Variants in C1QTNF7 observed in about 807,000 individuals in gnomAD.
The protein encoded by C1QTNF7 is complement C1q tumor necrosis factor-related protein 7.
C1QTNF7 carries 15 observed loss-of-function variants against 19.6 expected under a neutral mutation model. The ratio of observed to expected loss-of-function variants is 0.76; its 90% confidence interval spans 0.51 to 1.18. C1QTNF7 has a LOEUF of 1.18. Among genes scored for constraint, C1QTNF7 ranks in the 50% most tolerant of loss-of-function variants. The pLI, the probability that C1QTNF7 is intolerant of heterozygous loss-of-function variation, is 0.00. For synonymous variants in C1QTNF7, 142 were observed against 137.5 expected, an observed-to-expected ratio of 1.03 and a Z score of -0.23; for missense variants, 324 against 359.7, an observed-to-expected ratio of 0.90 and a Z score of 0.80.
intron 1 of C1QTNF7, among the ~76,000 whole-genome samples, chr4:15,383,232 C>A (rs1323150637): frequency 6.6e-6 from 1 of 152,134 alleles, no homozygotes; most frequent in African/African-American, 2.4e-5. Context: ...CAAATGCAAT[C>A]TCTTATCTTC....
chr4:15,357,553 G>C (rs964692392), intron 1 of C1QTNF7, among the ~76,000 whole-genome samples: 2 of 152,180 alleles, frequency 1.3e-5, no homozygotes, highest in Non-Finnish European at 2.9e-5. Context: ...GCTTAGGATT[G>C]TCTTGGCTAT....
chr4:15,401,095 A>T (rs1038852493), intron 1 of C1QTNF7, among the ~76,000 whole-genome samples: 2 of 152,178 alleles, frequency 1.3e-5, no homozygotes, highest in Admixed American at 6.5e-5. Context: ...CCACACATAG[A>T]AGAAGTCAGA....
chr4:15,409,727 T>A (rs758412393), intron 1 of C1QTNF7, among the ~76,000 whole-genome samples: 11 of 152,074 alleles, frequency 7.2e-5, no homozygotes, highest in Non-Finnish European at 1.6e-4. Context: ...GCCCACCCAA[T>A]GAGACACCCT....
chr4:15,433,184 AC>A (rs1249496344), intron 1 of C1QTNF7, among the ~76,000 whole-genome samples: 1 of 151,964 alleles, frequency 6.6e-6, no homozygotes, highest in Non-Finnish European at 1.5e-5. Context: ...TCTTCTATGA[AC>A]CTTTATTTTT....
chr4:15,374,869 CTCT>C (rs937194084), intron 1 of C1QTNF7: 25 of 509,410 alleles, frequency 4.9e-5, no homozygotes, highest in Admixed American at 6.7e-5. Context: ...CTCTCTCTCT[CTCT>C]TTTTTTTTAT....
chr4:15,340,257 C>A (rs1403477539), intron 1 of C1QTNF7: 1 of 1,544,606 alleles, frequency 6.5e-7, no homozygotes, highest in Non-Finnish European at 8.8e-7. Context: ...TCCTATTCGG[C>A]CTTCATCAAA....
At chr4:15,376,822 C>T (rs973340340) in intron 1 of C1QTNF7, among the ~76,000 whole-genome samples, 5 of 152,166 alleles carry the variant, frequency 3.3e-5, no homozygotes, top group Non-Finnish European at 5.9e-5. Flanking sequence ...TGATTTCAGA[C>T]GAGTAAACTG....
At chr4:15,353,815 T>C (rs987898495) in intron 1 of C1QTNF7, among the ~76,000 whole-genome samples, 11 of 151,378 alleles carry the variant, frequency 7.3e-5, no homozygotes, top group Non-Finnish European at 1.3e-4. Context: ...TAGGGCAAGA[T>C]ATGAGGTGGA....
chr4:15,352,410 C>T (rs971162415), intron 1 of C1QTNF7, among the ~76,000 whole-genome samples: 28 of 152,176 alleles, frequency 1.8e-4, no homozygotes, highest in Non-Finnish European at 3.8e-4. Flanking sequence ...GGTCTTTTCA[C>T]TCTGCCACCA....
chr4:15,385,660 AGATCTGAAAGTCCACTCC>A (rs913241917), intron 1 of C1QTNF7, among the ~76,000 whole-genome samples: 15 of 152,192 alleles, frequency 9.9e-5, no homozygotes, highest in Non-Finnish European at 1.9e-4. Context: ...AGTGACTGAC[AGATCTGAAAGTCCACTCC>A]GATCTGAAAG....
At chr4:15,357,488 C>T (rs1717186706) in intron 1 of C1QTNF7, among the ~76,000 whole-genome samples, 1 of 152,134 alleles carries the variant, frequency 6.6e-6, no homozygotes, top group Non-Finnish European at 1.5e-5. Context: ...GTTACTGCAG[C>T]CTTGTAGTAT....
intron 1 of C1QTNF7, among the ~76,000 whole-genome samples, chr4:15,377,673 A>T (rs1038796293): frequency 2.6e-5 from 4 of 152,276 alleles, no homozygotes; most frequent in African/African-American, 9.6e-5. Context: ...GCCTGGGAAG[A>T]GGTCATGGAA....
At chr4:15,434,240 G>A (rs986690364) in intron 1 of C1QTNF7, among the ~76,000 whole-genome samples, 2 of 151,474 alleles carry the variant, frequency 1.3e-5, no homozygotes, top group Admixed American at 1.3e-4. Flanking sequence ...AAGTTGCTTT[G>A]GTTTTTCACT....
intron 1 of C1QTNF7, among the ~76,000 whole-genome samples, chr4:15,385,866 C>T (rs554321205): frequency 3.3e-5 from 5 of 152,346 alleles, no homozygotes; most frequent in African/African-American, 1.2e-4. Flanking sequence ...TAACAACCAC[C>T]TTCATTACGG....
At chr4:15,423,148 A>G (rs1711862470), upstream of C1QTNF7, among the ~76,000 whole-genome samples, 2 of 152,180 alleles carry the variant, frequency 1.3e-5, no homozygotes, top group Non-Finnish European at 2.9e-5. Context: ...CCTGAGTTCC[A>G]GTTCTGGTTT....
At chr4:15,389,228 A>G (rs750329913) in intron 1 of C1QTNF7, among the ~76,000 whole-genome samples, 5 of 152,120 alleles carry the variant, frequency 3.3e-5, no homozygotes, top group Non-Finnish European at 7.4e-5. Context: ...CAGGATGAAC[A>G]GTGACCAGGG....
At chr4:15,408,915 G>T (rs1719301723) in intron 1 of C1QTNF7, among the ~76,000 whole-genome samples, 1 of 152,076 alleles carries the variant, frequency 6.6e-6, no homozygotes, top group African/African-American at 2.4e-5. Context: ...AGAATTCCCA[G>T]CCTCCAGAAC....
chr4:15,441,943 C>T (rs191759668), intron 2 of C1QTNF7, among the ~76,000 whole-genome samples: 3,500 of 152,072 alleles, frequency 0.023, 76 homozygotes, highest in Non-Finnish European at 0.032. Context: ...ATTGCTTGAA[C>T]CCGGAAGGCG....
At chr4:15,419,649 A>T (rs1711647712) in intron 1 of C1QTNF7, among the ~76,000 whole-genome samples, 2 of 152,182 alleles carry the variant, frequency 1.3e-5, no homozygotes, top group African/African-American at 4.8e-5. Flanking sequence ...TTTCCTCCTG[A>T]TATTTCGTGA....
Sources: gnomAD v4.1 joint callset for allele counts (sites outside exome capture counted in the v4.1 genomes callset) on GRCh38, gnomAD v4.1.1 for gene constraint, MANE v1.5 for transcripts, NCBI Gene and HGNC (gene_info 2026-07-23, HGNC 2026-07-21) for gene names.